The following RARB variants were observed in gnomAD, a reference collection of about 807,000 sequenced individuals.
RARB encodes HBV-activated protein.
A neutral mutation model predicts 51.9 loss-of-function variants in RARB; 17 were observed. The ratio of observed to expected loss-of-function variants is 0.33; its 90% CI spans 0.22 to 0.49. The LOEUF (loss-of-function observed/expected upper bound fraction) is 0.49. Ranked by LOEUF, RARB falls within the 20% of genes least tolerant of loss-of-function variation. The pLI is 0.99. For missense variants in RARB, 369 were observed against 550.8 expected (o/e 0.67, Z 3.30); for synonymous variants, 215 against 195.4 (o/e 1.10, Z -0.84).
At chr3:25,425,022 T>C (rs1407780222), upstream of RARB, among the ~76,000 whole-genome samples, 1 of 152,230 alleles carries the variant, frequency 6.6e-6, no homozygotes, top group Non-Finnish European at 1.5e-5. Flanking sequence ...AAGTTTTGCT[T>C]TTTGTTTTTC....
chr3:24,829,876 G>T (rs142576938), intron 1 of RARB, among the ~76,000 whole-genome samples: 29 of 152,244 alleles, frequency 1.9e-4, no homozygotes, highest in Non-Finnish European at 4.3e-4. Context: ...GCGAAACCTG[G>T]CGCCCTTGGG....
chr3:25,448,327 A>T (rs573801109), intron 1 of RARB, among the ~76,000 whole-genome samples: 22 of 152,298 alleles, frequency 1.4e-4, no homozygotes, highest in South Asian at 1.2e-3. Context: ...TAACATTTTT[A>T]AAAAAGAAAT....
intron 5 of RARB, among the ~76,000 whole-genome samples, chr3:25,276,764 G>A (rs1703390962): frequency 6.6e-6 from 1 of 152,190 alleles, no homozygotes; most frequent in Admixed American, 6.5e-5. Context: ...GTCCTTGGTA[G>A]TAAACCCAAT....
chr3:24,993,228 G>A (rs1408299663), intron 2 of RARB, among the ~76,000 whole-genome samples: 3 of 152,078 alleles, frequency 2.0e-5, no homozygotes, highest in Non-Finnish European at 2.9e-5. Flanking sequence ...TAAAAATGGT[G>A]TAGAATATGT....
chr3:25,113,540 T>C lies in RARB; in HGVS notation c.-327-18621T>C, dbSNP rs1575166343. ...TTTCATAGAAAGAGAAAAATTGTAATTCCTTTTCTGTACAGCTTCCTGCTA... is the reference window on the plus strand; with the variant it reads ...TTTCATAGAAAGAGAAAAATTGTAACTCCTTTTCTGTACAGCTTCCTGCTA... On this transcript the variant is annotated intron_variant, in intron 3 of 11. Coordinates refer to the RARB transcript ENST00000383772. Among the ~76,000 whole-genome samples the C allele has an allele frequency of 2.0e-5, 3 of 152,154 alleles. No homozygotes were observed. In the East Asian group the frequency reaches 5.8e-4, roughly 29 times the overall value.
At chr3:24,999,601 C>G (rs1219102504) in intron 2 of RARB, among the ~76,000 whole-genome samples, 1 of 152,158 alleles carries the variant, frequency 6.6e-6, no homozygotes, top group African/African-American at 2.4e-5. Flanking sequence ...GTTTCTTAGA[C>G]TGCAGTGCCC....
intron 5 of RARB, among the ~76,000 whole-genome samples, chr3:25,281,644 A>G (rs1703525629): frequency 6.6e-6 from 1 of 152,198 alleles, no homozygotes; most frequent in Non-Finnish European, 1.5e-5. Flanking sequence ...ATTAGAAGCT[A>G]TTGTAGGCGT....
intron 5 of RARB, among the ~76,000 whole-genome samples, chr3:25,283,787 C>T (rs968813233): frequency 1.3e-5 from 2 of 152,138 alleles, no homozygotes; most frequent in African/African-American, 4.8e-5. Flanking sequence ...CAGTTAGGGC[C>T]CAGACAGGAT....
chr3:25,382,348 A>G (rs956625413), intron 5 of RARB, among the ~76,000 whole-genome samples: 2 of 152,200 alleles, frequency 1.3e-5, no homozygotes, highest in Non-Finnish European at 2.9e-5. Context: ...CAAACTTTCA[A>G]AGTTGATACT....
chr3:25,297,485 C>T (rs1703943727), intron 5 of RARB, among the ~76,000 whole-genome samples: 1 of 137,910 alleles, frequency 7.3e-6, no homozygotes, highest in East Asian at 2.1e-4. Context: ...AAAGGTATTC[C>T]TGCTTCCTCC....
chr3:24,830,420 C>CGTGTGTGTGTGTGTGTGTGTGTGTGT (rs59434163), intron 1 of RARB, among the ~76,000 whole-genome samples: 34 of 121,514 alleles, frequency 2.8e-4, no homozygotes, highest in African/African-American at 1.1e-3. Flanking sequence ...TGACAGAAGA[C>CGTGTGTGTGTGTGTGTGTGTGTGTGT]GTGTGTGTGT....
At chr3:25,300,869 T>C (rs894206257) in intron 5 of RARB, among the ~76,000 whole-genome samples, 5 of 151,692 alleles carry the variant, frequency 3.3e-5, no homozygotes, top group Non-Finnish European at 7.4e-5. Flanking sequence ...TGGTGGCGGG[T>C]GCCTGTAATC....
chr3:25,295,311 T>G (rs1364753033), intron 5 of RARB, among the ~76,000 whole-genome samples: 1 of 152,172 alleles, frequency 6.6e-6, no homozygotes, highest in Non-Finnish European at 1.5e-5. Flanking sequence ...GGTTCTGCCT[T>G]CATCAATGGC....
chr3:25,356,206 A>C (rs1368069078), intron 5 of RARB, among the ~76,000 whole-genome samples: 1 of 152,122 alleles, frequency 6.6e-6, no homozygotes, highest in Admixed American at 6.6e-5. Context: ...GAATTTTAGA[A>C]TCTTCTAGCC....
At chr3:25,419,597 G>C (rs1333875677) in intron 5 of RARB, among the ~76,000 whole-genome samples, 2 of 152,174 alleles carry the variant, frequency 1.3e-5, no homozygotes, top group Non-Finnish European at 2.9e-5. Context: ...GAGTCTGACA[G>C]TGTAGTGTGC....
chr3:25,166,229 T>C (rs1038529748), intron 4 of RARB, among the ~76,000 whole-genome samples: 1 of 152,190 alleles, frequency 6.6e-6, no homozygotes, highest in Non-Finnish European at 1.5e-5. Context: ...TCAGCAATAT[T>C]TATGATAAGG....
At chr3:25,301,632 T>C (rs2125427901) in intron 5 of RARB, among the ~76,000 whole-genome samples, 1 of 152,282 alleles carries the variant, frequency 6.6e-6, no homozygotes, top group South Asian at 2.1e-4. Context: ...CATCTTAAAC[T>C]GGAAATCTAG....
intron 5 of RARB, among the ~76,000 whole-genome samples, chr3:25,261,918 C>T (rs966290407): frequency 3.3e-5 from 5 of 152,142 alleles, no homozygotes; most frequent in African/African-American, 1.2e-4. Flanking sequence ...CCCATCTCAA[C>T]CTCTTACATG....
chr3:25,142,887 C>T (rs1035478820), intron 4 of RARB, among the ~76,000 whole-genome samples: 1 of 152,072 alleles, frequency 6.6e-6, no homozygotes, highest in East Asian at 1.9e-4. Flanking sequence ...GCAGACCTGT[C>T]CCCGTGTCTG....
Sources: gnomAD v4.1 joint callset for allele counts (sites outside exome capture counted in the v4.1 genomes callset) on GRCh38, gnomAD v4.1.1 for gene constraint, MANE v1.5 for transcripts, NCBI Gene and HGNC (gene_info 2026-07-23, HGNC 2026-07-21) for gene names.